Variants in ABCA4 observed in about 807,000 individuals in gnomAD.
The protein encoded by ABCA4 is ATP binding cassette subfamily A member 4, also known as retinal-specific phospholipid-transporting ATPase ABCA4.
Under a neutral mutation model 263.7 loss-of-function variants are expected in ABCA4, and 196 were observed. The observed-to-expected ratio is 0.74, with a 90% CI of 0.66 to 0.84. ABCA4 has a LOEUF of 0.84. Ranked by LOEUF, ABCA4 falls within the 40% of genes least tolerant of loss-of-function variation. ABCA4 has a pLI of 0.00. For missense variants in ABCA4, 2,792 were observed against 2,855.1 expected, an observed-to-expected ratio of 0.98 and a Z score of 0.50; for synonymous variants, 1,133 against 1,094.2, an observed-to-expected ratio of 1.04 and a Z score of -0.70.
intron 13 of ABCA4, 109 bp downstream of exon 13, chr1:94,062,468 G>C: frequency 7.3e-7 from 1 of 1,376,436 alleles, no homozygotes; most frequent in Non-Finnish European, 1.0e-6. Context: ...TGGTCCCTGG[G>C]GCTCTCTCTA....
chr1:94,078,417 C>T lies in ABCA4; in HGVS notation c.1356+173G>A, dbSNP rs116563912. Among the ~76,000 whole-genome samples the T allele has an allele frequency of 6.1e-3, 922 of 152,334 alleles. 7 individuals carry two copies. The highest frequency in any genetic ancestry group is 9.9e-3 in the Non-Finnish European group (672 of 68,026). On this transcript the variant is annotated intron_variant, in intron 10 of 49. Coordinates refer to ENST00000370225, the MANE Select transcript of ABCA4 (RefSeq NM_000350.3). Reference sequence around the variant, plus strand: ...AAGAAACATATTTCTCATCCAAAGTCAGTGACCCCACTTGGTGACTGCTTG... The same window carrying T: ...AAGAAACATATTTCTCATCCAAAGTTAGTGACCCCACTTGGTGACTGCTTG...
At chr1:94,075,406 C>A (rs567342225) in intron 11 of ABCA4, among the ~76,000 whole-genome samples, 27 of 152,252 alleles carry the variant, frequency 1.8e-4, no homozygotes, top group African/African-American at 6.3e-4. Flanking sequence ...TATCTTCAGA[C>A]AAGTTGGTGA....
chr1:93,997,948 G>A lies in ABCA4; in HGVS notation c.6642C>T (p.Ser2214=). 1 of 1,614,000 alleles carries A rather than the reference G, an allele frequency of 6.2e-7. No homozygotes were observed. The highest frequency in any genetic ancestry group is 8.5e-7 in the Non-Finnish European group (1 of 1,179,932). Residue 2214 remains serine, a synonymous_variant, in exon 48 of 50, where the codon TCC becomes TCT. Transcript: ENST00000370225. ...NMLQFQVSSS[S]LARIFQLLLS... ...GGAGGAGCTGGAAGATCCTCGCCAG[G>A]GAGGAGGAGGAGACCTGGAACTGGA...
rs17110977 is a variant in ABCA4 at position 94,067,299 on chromosome 1, C to A, written c.1555-3982G>T. Among the ~76,000 whole-genome samples, 309 of 152,206 alleles carry A rather than the reference C, an allele frequency of 2.0e-3. 9 individuals are homozygous for A. In the East Asian group the frequency reaches 0.052, roughly 26 times the overall value. On this transcript the variant is annotated intron_variant, in intron 11 of 49. Coordinates refer to ENST00000370225, the MANE Select transcript of ABCA4 (RefSeq NM_000350.3). ...TATCTGGCCCATTCTCTTTGAACTC[C>A]CTTTTCATGTCTTAAGGGGAAATCT... is the stretch of plus-strand genomic sequence containing the variant.
rs754576845 is a variant in ABCA4 at position 93,993,289 on chromosome 1, A to G, written c.6817-47T>C. On this transcript the variant is annotated intron_variant, in intron 49 of 49. Coordinates refer to ENST00000370225, the MANE Select transcript of ABCA4 (RefSeq NM_000350.3). ...ACTCGCGTCATCTTGGTTTTCTGAG[A>G]TGCTGTACTACTTTTAGATTTCAAA... The G allele has an allele frequency of 1.9e-6, 3 of 1,613,292 alleles. No individual in the cohort carries two copies. In the Admixed American group the frequency reaches 5.0e-5, roughly 27 times the overall value.
intron 44 of ABCA4, among the ~76,000 whole-genome samples, chr1:94,002,868 G>T (rs1464099018): frequency 6.7e-6 from 1 of 148,546 alleles, no homozygotes; most frequent in East Asian, 1.9e-4. Flanking sequence ...TCTACAGATC[G>T]TCTATCCCTC....
intron 13 of ABCA4, 46 bp downstream of exon 13, chr1:94,062,531 C>T (rs986554637): frequency 6.3e-7 from 1 of 1,596,802 alleles, no homozygotes; most frequent in Non-Finnish European, 8.6e-7. Context: ...CACTCCAGCA[C>T]CCCCATTAGC....
intron 19 of ABCA4, among the ~76,000 whole-genome samples, chr1:94,046,666 G>A (rs1488324929): frequency 2.0e-5 from 3 of 152,080 alleles, no homozygotes; most frequent in Non-Finnish European, 4.4e-5. Context: ...CTTCAGGAAA[G>A]TCACTTCAAC....
intron 24 of ABCA4, among the ~76,000 whole-genome samples, chr1:94,038,419 G>C (rs1378970426): frequency 6.6e-6 from 1 of 152,192 alleles, no homozygotes; most frequent in Non-Finnish European, 1.5e-5. Flanking sequence ...TCAGAAAGCA[G>C]CTCTCAGAGT....
intron 11 of ABCA4, among the ~76,000 whole-genome samples, chr1:94,067,486 A>C (rs2893265): frequency 6.6e-6 from 1 of 152,316 alleles, no homozygotes; most frequent in African/African-American, 2.4e-5. Context: ...AAAAAAACTT[A>C]AAAGATTCTC....
intron 1 of ABCA4, among the ~76,000 whole-genome samples, chr1:94,119,598 C>G (rs1331935135): frequency 6.6e-6 from 1 of 152,170 alleles, no homozygotes; most frequent in Non-Finnish European, 1.5e-5. Flanking sequence ...GTCCTAATGT[C>G]AGCTCCACAG....
intron 5 of ABCA4, among the ~76,000 whole-genome samples, chr1:94,101,311 C>A (rs554278892): frequency 6.6e-6 from 1 of 151,420 alleles, no homozygotes. Context: ...GGAAAATGAG[C>A]AATCGGTGCC....
At chr1:94,007,071 A>G (rs376008366) in intron 43 of ABCA4, among the ~76,000 whole-genome samples, 24 of 152,306 alleles carry the variant, frequency 1.6e-4, no homozygotes, top group African/African-American at 5.8e-4. Context: ...GGTCTGGCAA[A>G]GCCAAATATC....
At chr1:94,082,459 C>T (rs1038638707) in intron 7 of ABCA4, among the ~76,000 whole-genome samples, 22 of 152,074 alleles carry the variant, frequency 1.4e-4, no homozygotes, top group African/African-American at 5.3e-4. Context: ...TTTTTTAATG[C>T]TATGAAGAAA....
intron 37 of ABCA4, 60 bp downstream of exon 37, chr1:94,015,679 C>T (rs548053753): frequency 2.9e-6 from 4 of 1,390,824 alleles, no homozygotes; most frequent in East Asian, 2.3e-5. Context: ...GGAGATGATC[C>T]CCCACCCCCA....
At chr1:94,091,416 C>A (rs1661964238) in intron 6 of ABCA4, among the ~76,000 whole-genome samples, 1 of 152,120 alleles carries the variant, frequency 6.6e-6, no homozygotes, top group Non-Finnish European at 1.5e-5. Context: ...ATAACTTTCC[C>A]AGGGCTCTCC....
At chr1:94,085,699 C>A (rs1168991852) in intron 6 of ABCA4, among the ~76,000 whole-genome samples, 1 of 152,188 alleles carries the variant, frequency 6.6e-6, no homozygotes, top group African/African-American at 2.4e-5. Flanking sequence ...ACACACATGA[C>A]CTCTGTGAGC....
chr1:94,052,045 C>G (rs1660854323), intron 16 of ABCA4, among the ~76,000 whole-genome samples: 1 of 152,140 alleles, frequency 6.6e-6, no homozygotes, highest in Non-Finnish European at 1.5e-5. Flanking sequence ...ACTGGATATT[C>G]TTTCTGTGGC....
intron 36 of ABCA4, 84 bp from the exon 37 acceptor site, chr1:94,015,938 C>T: frequency 8.6e-7 from 1 of 1,167,112 alleles, no homozygotes; most frequent in Non-Finnish European, 1.3e-6. Context: ...GGCCAGGCTC[C>T]TCCAGCTCGT....
Sources: allele counts gnomAD v4.1 joint callset (sites outside exome capture counted in the v4.1 genomes callset), GRCh38; gene constraint gnomAD v4.1.1; transcripts MANE v1.5; gene names NCBI Gene and HGNC (gene_info 2026-07-23, HGNC 2026-07-21).